Variants in TRAF3 observed in about 807,000 individuals in gnomAD.
TRAF3 encodes TNF receptor-associated factor 3.
In TRAF3, 13 loss-of-function variants were observed where a neutral mutation model predicts 62.3. The ratio of observed to expected loss-of-function variants is 0.21; its 90% confidence interval spans 0.14 to 0.33. TRAF3 has a LOEUF of 0.33. Ranked by LOEUF, TRAF3 falls within the 10% of genes least tolerant of loss-of-function variation. TRAF3 has a pLI of 1.00. For missense variants in TRAF3, 440 were observed against 741.8 expected (o/e 0.59, Z 4.73); for synonymous variants, 269 against 283.4 (o/e 0.95, Z 0.51).
intron 1 of TRAF3, among the ~76,000 whole-genome samples, chr14:102,821,897 C>T (rs1295717533): frequency 1.3e-5 from 2 of 152,118 alleles, no homozygotes; most frequent in Non-Finnish European, 2.9e-5. Context: ...TAAAAATTAG[C>T]CGGGTGTGGT....
intron 2 of TRAF3, among the ~76,000 whole-genome samples, chr14:102,861,605 A>G (rs1056819000): frequency 6.6e-6 from 1 of 152,152 alleles, no homozygotes; most frequent in African/African-American, 2.4e-5. Flanking sequence ...CCTCAGTATC[A>G]TCCCTTTGGG....
intron 9 of TRAF3, among the ~76,000 whole-genome samples, chr14:102,896,612 T>C (rs1388396691): frequency 6.6e-6 from 1 of 152,168 alleles, no homozygotes; most frequent in Non-Finnish European, 1.5e-5. Context: ...TGTTACCTGG[T>C]CAACAATTGA....
At chr14:102,823,768 C>A (rs747733679) in intron 1 of TRAF3, among the ~76,000 whole-genome samples, 4 of 152,136 alleles carry the variant, frequency 2.6e-5, no homozygotes, top group Non-Finnish European at 5.9e-5. Context: ...CATACAATTA[C>A]CTATTTAAAG....
chr14:102,890,490 CGTACG>C (rs1889646865), intron 8 of TRAF3, among the ~76,000 whole-genome samples: 1 of 152,084 alleles, frequency 6.6e-6, no homozygotes, highest in Non-Finnish European at 1.5e-5. Context: ...CCTGTTCTGT[CGTACG>C]TAGTATCATT....
intron 1 of TRAF3, among the ~76,000 whole-genome samples, chr14:102,797,840 C>T (rs1184053230): frequency 2.0e-5 from 3 of 151,738 alleles, no homozygotes; most frequent in East Asian, 1.9e-4. Flanking sequence ...CAGGTTCAAG[C>T]GATTCTCCCG....
chr14:102,818,150 C>G (rs1731868022), intron 1 of TRAF3, among the ~76,000 whole-genome samples: 1 of 152,178 alleles, frequency 6.6e-6, no homozygotes, highest in South Asian at 2.1e-4. Flanking sequence ...CCCGTGTTCT[C>G]AAAACACTTT....
intron 1 of TRAF3, among the ~76,000 whole-genome samples, chr14:102,786,533 C>G (rs1897509647): frequency 1.3e-5 from 2 of 152,222 alleles, no homozygotes; most frequent in African/African-American, 4.8e-5. Context: ...CCTAAAAATA[C>G]AAAATTAGCC....
At position 102,895,574 on chromosome 14, in the gene TRAF3, T is replaced by C. The variant is rs550408691; in HGVS notation, c.820-1687T>C. 7.5e-4 allele frequency among the ~76,000 whole-genome samples: 114 copies of C among 152,264 alleles called. No individual in the cohort carries two copies. The Middle Eastern group carries it at 0.017, about 23-fold the overall frequency. On this transcript the variant is annotated intron_variant, in intron 9 of 11. Transcript: ENST00000392745. ...GCGTACATCGTTGGAGAGGCACACATCGGATCTGGCACAGAGCTTAGGGTC... is the reference window on the plus strand; with the variant it reads ...GCGTACATCGTTGGAGAGGCACACACCGGATCTGGCACAGAGCTTAGGGTC...
intron 6 of TRAF3, among the ~76,000 whole-genome samples, chr14:102,878,570 A>G (rs917454569): frequency 1.3e-5 from 2 of 152,174 alleles, no homozygotes; most frequent in East Asian, 3.8e-4. Flanking sequence ...CTGGGGACTC[A>G]GTGGTGAGGC....
chr14:102,802,154 ATT>A (rs1202677524), intron 1 of TRAF3, among the ~76,000 whole-genome samples: 54 of 81,038 alleles, frequency 6.7e-4, no homozygotes, highest in Middle Eastern at 0.013. Context: ...ACCTGGACTC[ATT>A]TTTTTTTTTT....
At chr14:102,896,377 C>T (rs1890009860) in intron 9 of TRAF3, among the ~76,000 whole-genome samples, 1 of 152,090 alleles carries the variant, frequency 6.6e-6, no homozygotes, top group Non-Finnish European at 1.5e-5. Context: ...TTTTTAGATC[C>T]CACGTCTAAA....
At chr14:102,834,488 G>A (rs1326060463) in intron 2 of TRAF3, among the ~76,000 whole-genome samples, 2 of 151,836 alleles carry the variant, frequency 1.3e-5, no homozygotes, top group Non-Finnish European at 2.9e-5. Context: ...CATGAGGTCA[G>A]GAGATCGAGA....
chr14:102,856,186 TAAGTGAAAGC>T (rs1288523132), intron 2 of TRAF3, among the ~76,000 whole-genome samples: 1 of 152,198 alleles, frequency 6.6e-6, no homozygotes, highest in Non-Finnish European at 1.5e-5. Context: ...TTTTCTTTTT[TAAGTGAAAGC>T]AAGTTTATTA....
chr14:102,851,141 A>G (rs1887014530), intron 2 of TRAF3, among the ~76,000 whole-genome samples: 1 of 152,236 alleles, frequency 6.6e-6, no homozygotes, highest in African/African-American at 2.4e-5. Context: ...CTGAATTTGC[A>G]TAATTTTTCT....
intron 1 of TRAF3, among the ~76,000 whole-genome samples, chr14:102,801,478 G>A (rs1726662335): frequency 1.3e-5 from 2 of 152,108 alleles, no homozygotes; most frequent in African/African-American, 4.8e-5. Flanking sequence ...CCATGTTAGT[G>A]TGTTGGTATG....
At chr14:102,888,907 A>G (rs770369168) in intron 7 of TRAF3, among the ~76,000 whole-genome samples, 13 of 152,212 alleles carry the variant, frequency 8.5e-5, no homozygotes, top group Non-Finnish European at 1.0e-4. Flanking sequence ...TTTTCTTGCA[A>G]AACGAGTTAC....
chr14:102,870,460 C>T lies in TRAF3; in HGVS notation c.245+14C>T, dbSNP rs1402684793. 3.8e-5 allele frequency: 61 copies of T among 1,608,500 alleles called. No homozygotes were observed. Among genetic ancestry groups the T allele is most frequent in the Non-Finnish European group, 5.2e-5 (61 of 1,179,440 alleles). ...GGCCCTGCTGAGGTAGGCGCCCTCG[C>T]CCGGCCCGTCGCCCGGCCCCTTCTC... On this transcript the variant is annotated intron_variant, in intron 3 of 11. Transcript: ENST00000392745.
At chr14:102,897,076 A>AG (rs1174027340) in intron 9 of TRAF3, among the ~76,000 whole-genome samples, 185 bp from the exon 10 acceptor site, 1 of 152,076 alleles carries the variant, frequency 6.6e-6, no homozygotes, top group Non-Finnish European at 1.5e-5. Context: ...CTGTCTCTAG[A>AG]GGGGAAAAAA....
intron 2 of TRAF3, among the ~76,000 whole-genome samples, chr14:102,845,808 G>A (rs8021860): frequency 6.6e-6 from 1 of 151,232 alleles, no homozygotes; most frequent in African/African-American, 2.4e-5. Flanking sequence ...GAGCCACTGC[G>A]CCCAGCCAAA....
Sources: gnomAD v4.1 joint callset for allele counts (sites outside exome capture counted in the v4.1 genomes callset) on GRCh38, gnomAD v4.1.1 for gene constraint, MANE v1.5 for transcripts, NCBI Gene and HGNC (gene_info 2026-07-23, HGNC 2026-07-21) for gene names.